Variants in FTO observed in about 807,000 individuals in gnomAD.
The protein encoded by FTO is FTO alpha-ketoglutarate dependent dioxygenase, also known as alpha-ketoglutarate-dependent dioxygenase FTO.
FTO carries 47 observed loss-of-function variants against 63.9 expected under a neutral mutation model. The observed-to-expected ratio is 0.74, with a 90% CI of 0.58 to 0.94. The LOEUF (loss-of-function observed/expected upper bound fraction) is 0.94. FTO is among the 40% of genes least tolerant of loss of function. The pLI is 0.00. For missense variants in FTO, 562 were observed against 618.1 expected, an observed-to-expected ratio of 0.91 and a Z score of 0.96; for synonymous variants, 207 against 224.4, an observed-to-expected ratio of 0.92 and a Z score of 0.69.
At position 53,934,120 on chromosome 16, in the gene FTO, T is replaced by C; in HGVS notation, c.1364+11T>C. The C allele has an allele frequency of 6.2e-7, 1 of 1,614,064 alleles. No homozygotes were observed. Among genetic ancestry groups the C allele is most frequent in the East Asian group, 2.2e-5 (1 of 44,880 alleles). On this transcript the variant is annotated intron_variant, in intron 8 of 8. Transcript: ENST00000471389. ...AGAATGGCATGCCAGGTTAGTTCTG[T>C]TGTGAAATGGGATTTGTTGTTCTTG...
At chr16:54,059,076 C>T (rs987303532) in intron 8 of FTO, among the ~76,000 whole-genome samples, 48 of 152,168 alleles carry the variant, frequency 3.2e-4, no homozygotes, top group Non-Finnish European at 6.6e-4. Flanking sequence ...TCTTCTTATG[C>T]ATGCAGAAAA....
At chr16:53,735,449 C>G (rs929957227) in intron 1 of FTO, among the ~76,000 whole-genome samples, 1 of 152,162 alleles carries the variant, frequency 6.6e-6, no homozygotes, top group Non-Finnish European at 1.5e-5. Flanking sequence ...AACATGGACT[C>G]GGAGAGTCAG....
At chr16:53,956,375 A>T (rs1380252040) in intron 8 of FTO, among the ~76,000 whole-genome samples, 1 of 151,806 alleles carries the variant, frequency 6.6e-6, no homozygotes, top group Non-Finnish European at 1.5e-5. Flanking sequence ...ATGGTCTATT[A>T]TGAAGCCTGT....
intron 1 of FTO, among the ~76,000 whole-genome samples, chr16:53,724,048 G>A (rs2076097420): frequency 6.6e-6 from 1 of 152,224 alleles, no homozygotes; most frequent in Non-Finnish European, 1.5e-5. Flanking sequence ...ATAGAACCAG[G>A]TGATGGTGGG....
rs142425194 is a variant in FTO, at chr16:53,746,151, G to T, written c.45+41922G>T. Among the ~76,000 whole-genome samples the T allele has an allele frequency of 4.1e-4, 63 of 152,302 alleles. 1 individual carries two copies. The East Asian group carries it at 0.01, about 25-fold the overall frequency. ...GAAGATTACAGTTCCCAGCTTCCTT[G>T]CAGTTAGGTAGGATCATGTGATTAG... On this transcript the variant is annotated intron_variant, in intron 1 of 8. Transcript: ENST00000471389.
chr16:53,764,261 G>A (rs999633294), intron 1 of FTO: 1 of 152,244 alleles, frequency 6.6e-6, no homozygotes, highest in African/African-American at 2.4e-5. Context: ...TTCGAGGCCT[G>A]TGGATAACCA....
chr16:53,773,989 A>AT (rs959375142), intron 1 of FTO, among the ~76,000 whole-genome samples: 43 of 152,264 alleles, frequency 2.8e-4, no homozygotes, highest in African/African-American at 9.9e-4. Context: ...TGGAATTTTA[A>AT]TTTTTTCCAT....
intron 1 of FTO, among the ~76,000 whole-genome samples, chr16:53,735,292 T>C (rs1409504491): frequency 6.6e-6 from 1 of 152,246 alleles, no homozygotes; most frequent in African/African-American, 2.4e-5. Context: ...TCTAGGTTAT[T>C]GCTAGACACA....
intron 7 of FTO, among the ~76,000 whole-genome samples, chr16:53,913,304 A>G (rs184120812): frequency 6.6e-6 from 1 of 152,316 alleles, no homozygotes; most frequent in African/African-American, 2.4e-5. Flanking sequence ...TTGATGAATA[A>G]AAGTTTGGTG....
In FTO at chr16:53,996,969, C is replaced by T. The variant is rs942985355; in HGVS notation, c.1364+62860C>T. 7.2e-5 allele frequency among the ~76,000 whole-genome samples: 11 copies of T among 152,074 alleles called. No individual in the cohort carries two copies. The South Asian group carries it at 2.3e-3, about 32-fold the overall frequency. ...ACTAAAAATACAAAAAAAATTTAGC[C>T]TGGCGTGGTGGCGGGTGCCTGTAAT... is the stretch of plus-strand genomic sequence containing the variant. On this transcript the variant is annotated intron_variant, in intron 8 of 8. Transcript: ENST00000471389.
At chr16:54,004,369 G>A (rs2084143299) in intron 8 of FTO, among the ~76,000 whole-genome samples, 1 of 150,080 alleles carries the variant, frequency 6.7e-6, no homozygotes. Context: ...CTGCAGCCTG[G>A]GCAACAGAGC....
chr16:53,791,933 G>A (rs2077925733), intron 1 of FTO, among the ~76,000 whole-genome samples: 5 of 152,124 alleles, frequency 3.3e-5, no homozygotes, highest in Admixed American at 3.3e-4. Context: ...AAAATTATCC[G>A]GGCGTGATGG....
intron 1 of FTO, among the ~76,000 whole-genome samples, chr16:53,754,326 T>C (rs957435318): frequency 3.2e-4 from 49 of 152,188 alleles, no homozygotes; most frequent in African/African-American, 1.2e-3. Context: ...CAGAACTTTT[T>C]CCATAAACTG....
At chr16:53,816,107 T>A (rs947886762) in intron 2 of FTO, among the ~76,000 whole-genome samples, 1 of 152,166 alleles carries the variant, frequency 6.6e-6, no homozygotes. Flanking sequence ...CCACTAGTAC[T>A]CTCTTCCCTT....
intron 8 of FTO, among the ~76,000 whole-genome samples, chr16:54,006,067 G>C (rs780868751): frequency 2.6e-5 from 4 of 152,168 alleles, no homozygotes; most frequent in Non-Finnish European, 5.9e-5. Context: ...GTTCCAGAAA[G>C]GGTTAAAGTT....
Position 54,118,206 on chromosome 16 carries a change from A to G in FTO, c.*6291A>G, listed in dbSNP as rs993227626. The G allele has an allele frequency of 6.6e-6, 1 of 152,202 alleles. No individual in the cohort carries two copies. Among genetic ancestry groups the G allele is most frequent in the Non-Finnish European group, 1.5e-5 (1 of 68,042 alleles). The allele number at this position is 152,202 out of a possible 1,614,324, so 9.4% of individuals were successfully genotyped here. On this transcript the variant is annotated 3_prime_UTR_variant, in exon 9 of 9. Transcript: ENST00000471389. The stretch of plus-strand genomic sequence containing the variant: ...GAGATGGGAAGTGCTGGCCTAGGAC[A>G]GCAAGGTGCCCTACAGGTGGGGCCA...
intron 7 of FTO, among the ~76,000 whole-genome samples, chr16:53,899,992 T>C (rs1887375900): frequency 1.3e-5 from 2 of 152,222 alleles, no homozygotes; most frequent in South Asian, 2.1e-4. Context: ...GGGCTGAAGA[T>C]TTTTCTTCCT....
chr16:54,084,594 A>G (rs2086220371), intron 8 of FTO, among the ~76,000 whole-genome samples: 1 of 152,192 alleles, frequency 6.6e-6, no homozygotes. Flanking sequence ...TTCCTGAAGC[A>G]TTAAATTCAG....
At chr16:53,888,567 G>A (rs577779378) in intron 6 of FTO, among the ~76,000 whole-genome samples, 3 of 152,092 alleles carry the variant, frequency 2.0e-5, no homozygotes, top group South Asian at 2.1e-4. Context: ...AGATCCTCAC[G>A]TCTCAGCCTG....
Sources: allele counts gnomAD v4.1 joint callset (sites outside exome capture counted in the v4.1 genomes callset), GRCh38; gene constraint gnomAD v4.1.1; transcripts MANE v1.5; gene names NCBI Gene and HGNC (gene_info 2026-07-23, HGNC 2026-07-21).